ANO4: variants seen among roughly 807,000 people sequenced by gnomAD.
ANO4 encodes anoctamin 4, also known as anoctamin-4.
ANO4 carries 69 observed loss-of-function variants against 141.9 expected under a neutral mutation model. That is an observed-to-expected ratio of 0.49 (90% CI 0.40 to 0.59). The LOEUF is 0.59. Among genes scored for constraint, ANO4 ranks in the 20% least tolerant of loss-of-function variants. The pLI, the probability that ANO4 is intolerant of heterozygous loss-of-function variation, is 0.00. For synonymous variants in ANO4, 350 were observed against 394.3 expected (o/e 0.89, Z 1.33); for missense variants, 894 against 1,162.2 (o/e 0.77, Z 3.36).
chr12:100,814,678 C>A (rs1263911117), intron 1 of ANO4, among the ~76,000 whole-genome samples: 1 of 151,926 alleles, frequency 6.6e-6, no homozygotes, highest in Non-Finnish European at 1.5e-5. Context: ...TATCAGTTAC[C>A]TATTTAGAAC....
At chr12:100,953,269 A>T (rs1168445901) in intron 5 of ANO4, among the ~76,000 whole-genome samples, 1 of 152,240 alleles carries the variant, frequency 6.6e-6, no homozygotes, top group Non-Finnish European at 1.5e-5. Context: ...TATGACACTA[A>T]TTATTCATTA....
intron 14 of ANO4, among the ~76,000 whole-genome samples, chr12:101,066,356 G>C (rs2048586293): frequency 6.6e-6 from 1 of 152,044 alleles, no homozygotes; most frequent in Non-Finnish European, 1.5e-5. Flanking sequence ...TTTATATTTG[G>C]AAAAAACCTA....
At chr12:100,766,003 C>A (rs966066772) in intron 3 of ANO4, among the ~76,000 whole-genome samples, 1 of 151,838 alleles carries the variant, frequency 6.6e-6, no homozygotes, top group Admixed American at 6.6e-5. Flanking sequence ...AAATTTTGTA[C>A]CCTTTGACTA....
chr12:100,769,725 A>T (rs752649949), intron 3 of ANO4, among the ~76,000 whole-genome samples: 33 of 152,076 alleles, frequency 2.2e-4, no homozygotes, highest in Non-Finnish European at 4.3e-4. Context: ...ATCTAATATG[A>T]CCTCTACTTC....
intron 1 of ANO4, among the ~76,000 whole-genome samples, chr12:100,881,008 T>C (rs1008738767): frequency 6.6e-6 from 1 of 151,950 alleles, no homozygotes; most frequent in African/African-American, 2.4e-5. Context: ...TTCCCACCTA[T>C]GAGTGAGAAC....
intron 2 of ANO4, among the ~76,000 whole-genome samples, chr12:100,736,084 T>C (rs1373224866): frequency 6.6e-6 from 1 of 152,086 alleles, no homozygotes; most frequent in African/African-American, 2.4e-5. Context: ...TAGGACAGAC[T>C]GAGGAGGTTG....
At chr12:100,745,132 T>G (rs953204612) in intron 3 of ANO4, among the ~76,000 whole-genome samples, 2 of 152,198 alleles carry the variant, frequency 1.3e-5, no homozygotes, top group African/African-American at 4.8e-5. Flanking sequence ...TAACTGACTC[T>G]CCAGCATGTC....
At chr12:100,970,527 A>G (rs1386184989) in intron 5 of ANO4, among the ~76,000 whole-genome samples, 1 of 152,112 alleles carries the variant, frequency 6.6e-6, no homozygotes, top group Non-Finnish European at 1.5e-5. Flanking sequence ...ACTTCCACAG[A>G]GGAGACTTTC....
chr12:100,907,822 A>G (rs1486006320), intron 2 of ANO4, among the ~76,000 whole-genome samples: 1 of 152,198 alleles, frequency 6.6e-6, no homozygotes, highest in African/African-American at 2.4e-5. Flanking sequence ...CCACTCTTAG[A>G]AACATTCTTA....
chr12:100,877,523 A>AAAATTAAGGTATATT (rs2039374406), intron 1 of ANO4, among the ~76,000 whole-genome samples: 1 of 150,698 alleles, frequency 6.6e-6, no homozygotes, highest in Non-Finnish European at 1.5e-5. Context: ...TTTTTTCTTA[A>AAAATTAAGGTATATT]TGGAATATGA....
rs187787755 is a variant in ANO4 at position 100,814,144 on chromosome 12, A to G, written c.-141+19117A>G. 4.9e-4 allele frequency among the ~76,000 whole-genome samples: 75 copies of G among 152,310 alleles called. 1 individual carries two copies. The highest frequency in any genetic ancestry group is 1.7e-3 in the African/African-American group (72 of 41,574). ...CAAATAGGAAGATCTTTAATTCTCGAAAACGGTATACTATATACTCTGTAG... is the reference window on the plus strand; with the variant it reads ...CAAATAGGAAGATCTTTAATTCTCGGAAACGGTATACTATATACTCTGTAG... On this transcript the variant is annotated intron_variant, in intron 1 of 27. Coordinates refer to ENST00000392977, the MANE Select transcript of ANO4 (RefSeq NM_001286615.2).
chr12:100,818,620 G>A lies in ANO4; in HGVS notation c.-141+23593G>A, dbSNP rs577537540. 6.6e-5 allele frequency among the ~76,000 whole-genome samples: 10 copies of A among 152,040 alleles called. No individual in the cohort carries two copies. In the East Asian group the frequency reaches 1.9e-3, roughly 29 times the overall value. On this transcript the variant is annotated intron_variant, in intron 1 of 27. Coordinates refer to ENST00000392977, the MANE Select transcript of ANO4 (RefSeq NM_001286615.2). ...AGGCACTGTTGAGAGAACAGTCTAA[G>A]ATTCAGATCATTTAGCTCTATGCCC...
intron 2 of ANO4, among the ~76,000 whole-genome samples, chr12:100,736,219 C>CT (rs372002485): frequency 4.6e-5 from 7 of 152,148 alleles, no homozygotes; most frequent in African/African-American, 1.7e-4. Flanking sequence ...TTTTAAGGTG[C>CT]TTTTTTCAAT....
At chr12:101,051,691 T>G (rs1310443135) in intron 14 of ANO4, among the ~76,000 whole-genome samples, 1 of 152,226 alleles carries the variant, frequency 6.6e-6, no homozygotes, top group Non-Finnish European at 1.5e-5. Context: ...GGTACTGTTC[T>G]TATCCTCATA....
chr12:100,889,985 T>C (rs1263126571), intron 1 of ANO4, among the ~76,000 whole-genome samples: 5 of 152,180 alleles, frequency 3.3e-5, no homozygotes, highest in African/African-American at 1.2e-4. Flanking sequence ...CAGTGGACCA[T>C]AATATATTTA....
chr12:100,975,053 A>G (rs1354927964), intron 7 of ANO4, among the ~76,000 whole-genome samples, 164 bp downstream of exon 7: 1 of 152,160 alleles, frequency 6.6e-6, no homozygotes. Context: ...CCTGAGGAGA[A>G]AAAAAGATGA....
chr12:100,812,529 G>C (rs1205341801), intron 1 of ANO4, among the ~76,000 whole-genome samples: 1 of 146,698 alleles, frequency 6.8e-6, no homozygotes, highest in African/African-American at 2.7e-5. Flanking sequence ...ATAATATGAA[G>C]TAAAAGTAGG....
At chr12:101,022,578 G>A (rs1045621159) in intron 9 of ANO4, among the ~76,000 whole-genome samples, 5 of 152,032 alleles carry the variant, frequency 3.3e-5, no homozygotes, top group African/African-American at 7.2e-5. Context: ...TCCTTTTTAC[G>A]AACTTTTTTC....
Position 100,731,931 on chromosome 12 carries a change from C to A in ANO4, c.23-1843C>A, listed in dbSNP as rs899034640. Among the ~76,000 whole-genome samples the A allele has an allele frequency of 2.0e-5, 3 of 152,232 alleles. No homozygotes were observed. The South Asian group carries it at 6.2e-4, about 32-fold the overall frequency. ...CATCTTGGTTGCTTCCAAGTTATGG[C>A]AACTATGAATAAAGCTGCTAGGATA... On this transcript the variant is annotated intron_variant, in intron 1 of 29. Coordinates refer to the ANO4 transcript ENST00000644049.
Sources: allele counts gnomAD v4.1 joint callset (sites outside exome capture counted in the v4.1 genomes callset), GRCh38; gene constraint gnomAD v4.1.1; transcripts MANE v1.5; gene names NCBI Gene and HGNC (gene_info 2026-07-23, HGNC 2026-07-21).